Variants in ACSS2 observed in about 807,000 individuals in gnomAD.
The protein encoded by ACSS2 is acyl-CoA synthetase short chain family member 2.
Under a neutral mutation model 90.6 loss-of-function variants are expected in ACSS2, and 58 were observed. That is an observed-to-expected ratio of 0.64 (90% CI 0.52 to 0.80). The LOEUF is 0.80. Among genes scored for constraint, ACSS2 ranks in the 30% least tolerant of loss-of-function variants. ACSS2 has a pLI of 0.00. For missense variants in ACSS2, 759 were observed against 912.0 expected (o/e 0.83, Z 2.16); for synonymous variants, 300 against 330.9 (o/e 0.91, Z 1.01).
intron 7 of ACSS2, among the ~76,000 whole-genome samples, chr20:34,914,729 G>C (rs1381603032): frequency 6.6e-6 from 1 of 152,184 alleles, no homozygotes; most frequent in Non-Finnish European, 1.5e-5. Flanking sequence ...CTAGGCTTGT[G>C]TTAGAAATGT....
chr20:34,888,712 G>A lies in ACSS2; in HGVS notation c.374+5723G>A, dbSNP rs183169221. On this transcript the variant is annotated intron_variant, in intron 2 of 17. Coordinates refer to ENST00000360596, the MANE Select transcript of ACSS2 (RefSeq NM_018677.4). ...GACAGTGCAGAGTGGGAGCTGATAA[G>A]GAAAGAACCTTTTGATAAATATGAC... Among the ~76,000 whole-genome samples the A allele has an allele frequency of 5.4e-4, 82 of 152,302 alleles. No individual in the cohort carries two copies. In the South Asian group the frequency reaches 8.9e-3, roughly 17 times the overall value.
intron 1 of ACSS2, among the ~76,000 whole-genome samples, chr20:34,878,435 G>A (rs1445930792): frequency 6.6e-6 from 1 of 152,172 alleles, no homozygotes; most frequent in East Asian, 1.9e-4. Flanking sequence ...AGTAATACTT[G>A]CCTAATGGGT....
At chr20:34,895,779 A>T (rs2080445652) in intron 2 of ACSS2, among the ~76,000 whole-genome samples, 1 of 152,226 alleles carries the variant, frequency 6.6e-6, no homozygotes, top group Non-Finnish European at 1.5e-5. Flanking sequence ...GAAATATTAC[A>T]TATGGAAGTT....
At chr20:34,917,078 T>C (rs1202663994) in intron 7 of ACSS2, among the ~76,000 whole-genome samples, 2 of 152,172 alleles carry the variant, frequency 1.3e-5, no homozygotes, top group Admixed American at 6.5e-5. Context: ...CACCTCTATA[T>C]ACACACCCAC....
At position 34,927,061 on chromosome 20, in the gene ACSS2, G is replaced by A. The variant is rs772727072; in HGVS notation, c.1979-26G>A. 6.2e-7 allele frequency: 1 copy of A among 1,614,160 alleles called. No homozygotes were observed. Among genetic ancestry groups the A allele is most frequent in the South Asian group, 1.1e-5 (1 of 91,084 alleles). On this transcript the variant is annotated intron_variant, in intron 17 of 17. Coordinates refer to ENST00000360596, the MANE Select transcript of ACSS2 (RefSeq NM_018677.4). This position sits in a 1 kb window ranked among gnomAD's most constrained non-coding sequence, Gnocchi z 4.2. Reference sequence around the variant, plus strand: ...TAGGGTGGGTCAGTGCTTTCACCAAGTAACTAGAGGTCTGTGGTTCCCCAG... The same window carrying A: ...TAGGGTGGGTCAGTGCTTTCACCAAATAACTAGAGGTCTGTGGTTCCCCAG...
At chr20:34,878,196 A>G (rs2079975737) in intron 1 of ACSS2, among the ~76,000 whole-genome samples, 1 of 152,152 alleles carries the variant, frequency 6.6e-6, no homozygotes, top group Middle Eastern at 3.2e-3. Flanking sequence ...TGGCCTCCCA[A>G]AGTGCTGTGA....
rs137916203 is a variant in ACSS2, at chr20:34,908,673, C to T, written c.375-4423C>T. On this transcript the variant is annotated intron_variant, in intron 2 of 17. Coordinates refer to ENST00000360596, the MANE Select transcript of ACSS2 (RefSeq NM_018677.4). ...CGTCAGGAGTTCAAGACCAACCTGA[C>T]CAACATGGTGAAACCCCATCTCTAC... 1.0e-4 allele frequency: 25 copies of T among 244,042 alleles called. No individual in the cohort carries two copies. The East Asian group carries it at 3.2e-3, about 32-fold the overall frequency. The allele number at this position is 244,042 out of a possible 1,614,324, so 15.1% of individuals were successfully genotyped here.
intron 2 of ACSS2, among the ~76,000 whole-genome samples, chr20:34,906,983 C>CAAAA (rs1228479859): frequency 4.8e-5 from 2 of 41,552 alleles, no homozygotes; most frequent in African/African-American, 7.6e-5. Context: ...GACTCCATCT[C>CAAAA]AAAAAAAAAA....
In ACSS2 at chr20:34,921,335, G is replaced by A; in HGVS notation, c.1283G>A (p.Ser428Asn). Reference sequence around the variant, plus strand: ...CTCCCATTCCCCTGCCCCAGGCATAGCCGGGCATCCTTGCAGGTGTTAGGC... The same window carrying A: ...CTCCCATTCCCCTGCCCCAGGCATAACCGGGCATCCTTGCAGGTGTTAGGC... ...KFGDEPVTKH[S>N]RASLQVLGTV... Residue 428 changes from serine (S) to asparagine (N), a missense_variant, in exon 11 of 18, where the codon AGC (serine) becomes AAC (asparagine). Ser to Asn is a conservative substitution (Grantham distance 46). Transcript: ENST00000360596. The A allele has an allele frequency of 6.2e-7, 1 of 1,614,178 alleles. No homozygotes were observed. Among genetic ancestry groups the A allele is most frequent in the Non-Finnish European group, 8.5e-7 (1 of 1,180,034 alleles).
chr20:34,915,702 G>A (rs2081063728), intron 7 of ACSS2, among the ~76,000 whole-genome samples: 1 of 152,166 alleles, frequency 6.6e-6, no homozygotes, highest in African/African-American at 2.4e-5. Flanking sequence ...CAGGACAGCA[G>A]AGGAGATTCC....
chr20:34,884,097 C>A (rs1371144954), intron 2 of ACSS2, among the ~76,000 whole-genome samples: 1 of 152,082 alleles, frequency 6.6e-6, no homozygotes, highest in Non-Finnish European at 1.5e-5. Flanking sequence ...AGACATGCAC[C>A]ACCACGTTTG....
chr20:34,926,248 A>G lies in ACSS2; in HGVS notation c.1870A>G (p.Ser624Gly). ...CACCTTGTGTGATGGCCACACCTTC[A>G]GCCCCAAGCTCACCGAGGAGCTCAA... ...FVTLCDGHTFSPKLTEELKKQ... is the reference protein window; with the variant it reads ...FVTLCDGHTFGPKLTEELKKQ... The change falls in exon 16 of 18, where the codon AGC becomes GGC. Residue 624 changes from serine (S) to glycine (G), a missense_variant. Coordinates refer to ENST00000360596, the MANE Select transcript of ACSS2 (RefSeq NM_018677.4). The G allele has an allele frequency of 6.2e-7, 1 of 1,614,146 alleles. No homozygotes were observed. Among genetic ancestry groups the G allele is most frequent in the Non-Finnish European group, 8.5e-7 (1 of 1,180,006 alleles).
intron 7 of ACSS2, among the ~76,000 whole-genome samples, chr20:34,916,240 G>A (rs1403027030): frequency 7.9e-5 from 12 of 152,214 alleles, no homozygotes; most frequent in Admixed American, 7.9e-4. Flanking sequence ...GGCTTAAATT[G>A]TAATCTCTGG....
rs756769074 is a variant in ACSS2, at chr20:34,921,001, G to A, written c.1144-5G>A. 3.1e-6 allele frequency: 5 copies of A among 1,614,024 alleles called. No homozygotes were observed. Among genetic ancestry groups the A allele is most frequent in the Non-Finnish European group, 4.2e-6 (5 of 1,180,020 alleles). On this transcript the variant is annotated splice_region_variant and splice_polypyrimidine_tract_variant and intron_variant, in intron 9 of 17. Coordinates refer to ENST00000360596, the MANE Select transcript of ACSS2 (RefSeq NM_018677.4). ...GACTGGGAATGACCAGCCTTCATGGGTCAGTTTGAGGGGATTCCCACATAT... is the reference window on the plus strand; with the variant it reads ...GACTGGGAATGACCAGCCTTCATGGATCAGTTTGAGGGGATTCCCACATAT...
intron 2 of ACSS2, among the ~76,000 whole-genome samples, chr20:34,886,720 T>C (rs958643250): frequency 1.8e-4 from 28 of 152,252 alleles, no homozygotes; most frequent in African/African-American, 6.8e-4. Flanking sequence ...AATCTCACTA[T>C]CATATGAAAT....
intron 2 of ACSS2, among the ~76,000 whole-genome samples, chr20:34,886,946 C>T (rs2146980557): frequency 6.6e-6 from 1 of 152,338 alleles, no homozygotes; most frequent in South Asian, 2.1e-4. Context: ...TGTTTTGGAA[C>T]ATACATTGTG....
chr20:34,886,159 G>A (rs556835002), intron 2 of ACSS2, among the ~76,000 whole-genome samples: 46 of 151,946 alleles, frequency 3.0e-4, no homozygotes, highest in South Asian at 2.5e-3. Context: ...TTCTTACTAC[G>A]ATAGATAAGA....
At chr20:34,896,721 G>T (rs1194373448) in intron 2 of ACSS2, among the ~76,000 whole-genome samples, 1 of 152,182 alleles carries the variant, frequency 6.6e-6, no homozygotes, top group Admixed American at 6.5e-5. Flanking sequence ...TCTAGTGCTA[G>T]AAAAAAATAA....
rs573029736 is a variant in ACSS2, at chr20:34,917,345, T to C, written c.835-2090T>C. Among the ~76,000 whole-genome samples the C allele has an allele frequency of 1.5e-4, 22 of 151,012 alleles. No individual in the cohort carries two copies. The South Asian group carries it at 2.9e-3, about 20-fold the overall frequency. ...ATGCATATGGATAGACCAAATCAGG[T>C]GTGTTCTTATGTTTTCTAACCGTAG... On this transcript the variant is annotated intron_variant, in intron 7 of 17. Transcript: ENST00000360596.
Sources: allele counts gnomAD v4.1 joint callset (sites outside exome capture counted in the v4.1 genomes callset), GRCh38; gene constraint gnomAD v4.1.1; non-coding constraint Gnocchi (gnomAD v3.1); transcripts MANE v1.5; gene names NCBI Gene and HGNC (gene_info 2026-07-23, HGNC 2026-07-21).